CFAP20DC: variants seen among roughly 807,000 people sequenced by gnomAD.
CFAP20DC encodes the protein CFAP20 domain containing, also known as protein CFAP20DC.
A neutral mutation model predicts 101.7 loss-of-function variants in CFAP20DC; 84 were observed. That is an observed-to-expected ratio of 0.83 (90% confidence interval 0.69 to 0.99). The LOEUF (loss-of-function observed/expected upper bound fraction) is 0.99. Among genes scored for constraint, CFAP20DC ranks in the 50% least tolerant of loss-of-function variants. CFAP20DC has a pLI of 0.00. For missense variants in CFAP20DC, 1,007 were observed against 970.3 expected, an observed-to-expected ratio of 1.04 and a Z score of -0.50; for synonymous variants, 359 against 351.2, an observed-to-expected ratio of 1.02 and a Z score of -0.25.
At chr3:58,842,855 C>T (rs1251839602) in intron 13 of CFAP20DC, among the ~76,000 whole-genome samples, 3 of 152,192 alleles carry the variant, frequency 2.0e-5, no homozygotes, top group African/African-American at 4.8e-5. Context: ...GTCCCTGACC[C>T]CTGACCCCCG....
At chr3:58,823,866 A>C (rs549315533) in intron 14 of CFAP20DC, among the ~76,000 whole-genome samples, 4 of 152,290 alleles carry the variant, frequency 2.6e-5, no homozygotes, top group African/African-American at 9.6e-5. Flanking sequence ...TTCTCATGAC[A>C]TGTCACTATG....
At chr3:58,881,940 T>C (rs900900602) in intron 7 of CFAP20DC, among the ~76,000 whole-genome samples, 5 of 152,184 alleles carry the variant, frequency 3.3e-5, no homozygotes, top group African/African-American at 1.2e-4. Context: ...TATTCACTGA[T>C]AGTAAGCTTC....
intron 4 of CFAP20DC, among the ~76,000 whole-genome samples, chr3:58,938,159 C>T (rs1305453154): frequency 6.6e-6 from 1 of 152,150 alleles, no homozygotes; most frequent in Middle Eastern, 3.2e-3. Context: ...TTATGGGTTT[C>T]TTTCCCTAAA....
At chr3:58,853,326 A>G (rs1484909621) in intron 12 of CFAP20DC, among the ~76,000 whole-genome samples, 1 of 152,230 alleles carries the variant, frequency 6.6e-6, no homozygotes, top group African/African-American at 2.4e-5. Flanking sequence ...AGGCTCTGAA[A>G]TTGTGGCAAT....
downstream of CFAP20DC, among the ~76,000 whole-genome samples, chr3:58,739,444 G>A (rs1245900169): frequency 3.3e-5 from 5 of 152,122 alleles, no homozygotes; most frequent in Non-Finnish European, 5.9e-5. Flanking sequence ...AATCATTTTG[G>A]ATAAAAATGT....
At chr3:58,965,533 C>T (rs1474544628) in intron 4 of CFAP20DC, among the ~76,000 whole-genome samples, 1 of 152,038 alleles carries the variant, frequency 6.6e-6, no homozygotes, top group Non-Finnish European at 1.5e-5. Context: ...TGTGCCACAT[C>T]CTAGCATTTA....
chr3:58,747,748 T>C (rs1559537441), intron 16 of CFAP20DC, among the ~76,000 whole-genome samples: 1 of 152,148 alleles, frequency 6.6e-6, no homozygotes, highest in African/African-American at 2.4e-5. Context: ...TACTGGGTGC[T>C]TGCAAACTCT....
intron 12 of CFAP20DC, among the ~76,000 whole-genome samples, chr3:58,856,531 G>A (rs959163451): frequency 6.6e-6 from 1 of 152,278 alleles, no homozygotes; most frequent in South Asian, 2.1e-4. Flanking sequence ...GGGTGAGCTT[G>A]TCCTTCCCCA....
chr3:58,956,904 C>T (rs2090681000), intron 4 of CFAP20DC, among the ~76,000 whole-genome samples: 1 of 152,150 alleles, frequency 6.6e-6, no homozygotes. Context: ...TGAGAACTCA[C>T]TATCACGAGA....
intron 14 of CFAP20DC, among the ~76,000 whole-genome samples, chr3:58,818,588 T>G (rs1174283243): frequency 6.7e-6 from 1 of 148,188 alleles, no homozygotes; most frequent in Non-Finnish European, 1.5e-5. Context: ...CAAGAAGAGC[T>G]AACTAACCTA....
In CFAP20DC at chr3:58,724,038, A is replaced by C. The variant is rs1052628680; in HGVS notation, c.198-6410T>G. The stretch of plus-strand genomic sequence containing the variant: ...CTCTGTTCTTGGGGAAGTAACATAG[A>C]TACAAATCCTTCATTCCAGGATGCT... On this transcript the variant is annotated intron_variant, in intron 3 of 3. Coordinates refer to the CFAP20DC transcript ENST00000486145. The surrounding 1 kb of genome is among the most constrained non-coding windows in gnomAD (Gnocchi z 5.6). 3.9e-5 allele frequency among the ~76,000 whole-genome samples: 6 copies of C among 152,324 alleles called. No homozygotes were observed. Among genetic ancestry groups the C allele is most frequent in the African/African-American group, 1.2e-4 (5 of 41,586 alleles).
chr3:58,925,050 T>C (rs1462770571), intron 5 of CFAP20DC, among the ~76,000 whole-genome samples: 1 of 152,130 alleles, frequency 6.6e-6, no homozygotes, highest in Non-Finnish European at 1.5e-5. Context: ...AATCCTTTAA[T>C]ATATTTATAA....
rs2079974250 is a variant in CFAP20DC at position 58,869,642 on chromosome 3, A to G, written c.853-152T>C. ...AGATGTGAAGAAAAAGGAAATTATTATAGGAAATTAGAAATGGAAGGAGAA... is the reference window on the plus strand; with the variant it reads ...AGATGTGAAGAAAAAGGAAATTATTGTAGGAAATTAGAAATGGAAGGAGAA... On this transcript the variant is annotated intron_variant, in intron 8 of 16. Transcript: ENST00000482387. The surrounding 1 kb of genome is among the most constrained non-coding windows in gnomAD (Gnocchi z 4.3). 1 of 529,188 alleles carries G rather than the reference A, an allele frequency of 1.9e-6. No individual in the cohort carries two copies. Among genetic ancestry groups the G allele is most frequent in the Non-Finnish European group, 3.1e-6 (1 of 321,354 alleles). 32.8% of individuals were successfully genotyped at this position (529,188 alleles called of 1,614,324 possible).
intron 4 of CFAP20DC, among the ~76,000 whole-genome samples, chr3:58,976,433 G>A (rs931828007): frequency 3.3e-5 from 5 of 152,180 alleles, no homozygotes; most frequent in African/African-American, 1.2e-4. Flanking sequence ...AGCAGCACCA[G>A]CTGAGGAAAG....
At chr3:58,810,314 G>A (rs2074502728) in intron 14 of CFAP20DC, among the ~76,000 whole-genome samples, 1 of 152,068 alleles carries the variant, frequency 6.6e-6, no homozygotes, top group African/African-American at 2.4e-5. Context: ...ATAAAATACT[G>A]GCAAACCAAA....
downstream of CFAP20DC, chr3:58,717,251 T>TCGCC: frequency 5.6e-6 from 1 of 177,832 alleles, no homozygotes; most frequent in Non-Finnish European, 1.2e-5. This position sits in a 1 kb window ranked among gnomAD's most constrained non-coding sequence, Gnocchi z 4.1. Flanking sequence ...ACGATGAAGG[T>TCGCC]GTATTGCTGG....
At chr3:58,808,711 ACTATATTAAC>A (rs1277650923) in intron 14 of CFAP20DC, among the ~76,000 whole-genome samples, 2 of 152,200 alleles carry the variant, frequency 1.3e-5, no homozygotes. Context: ...TTCACACATA[ACTATATTAAC>A]CTTAAATGTA....
chr3:58,967,648 C>G (rs1040810333), intron 4 of CFAP20DC, among the ~76,000 whole-genome samples: 4 of 152,130 alleles, frequency 2.6e-5, no homozygotes, highest in Non-Finnish European at 5.9e-5. Context: ...TTTAAAAACT[C>G]ATATGAATCA....
At position 59,033,931 on chromosome 3, in the gene CFAP20DC, T is replaced by C. The variant is rs566213441; in HGVS notation, c.278+5626A>G. ...TCCAAGGCTGAAATGAAGGAAAAAA[T>C]GTTAAGGGCAGCCAGAGAGAAAGGT... On this transcript the variant is annotated intron_variant, in intron 4 of 16. Transcript: ENST00000482387. Among the ~76,000 whole-genome samples, 9 of 151,960 alleles carry C rather than the reference T, an allele frequency of 5.9e-5. No individual in the cohort carries two copies. In the South Asian group the frequency reaches 1.2e-3, roughly 21 times the overall value.
Sources: allele counts gnomAD v4.1 joint callset (sites outside exome capture counted in the v4.1 genomes callset), GRCh38; gene constraint gnomAD v4.1.1; non-coding constraint Gnocchi (gnomAD v3.1); transcripts MANE v1.5; gene names NCBI Gene and HGNC (gene_info 2026-07-23, HGNC 2026-07-21).